The following SH2D4B variants were observed in gnomAD, a reference collection of about 807,000 sequenced individuals.
SH2D4B encodes the protein SH2 domain-containing protein 4B.
A neutral mutation model predicts 61.5 loss-of-function variants in SH2D4B; 45 were observed. The ratio of observed to expected loss-of-function variants is 0.73; its 90% CI spans 0.58 to 0.94. SH2D4B has a LOEUF of 0.94. Among genes scored for constraint, SH2D4B ranks in the 40% least tolerant of loss-of-function variants. SH2D4B has a pLI of 0.00. For missense variants in SH2D4B, 572 were observed against 574.2 expected (o/e 1.00, Z 0.04); for synonymous variants, 224 against 220.4 (o/e 1.02, Z -0.14).
At chr10:80,584,250 G>A (rs531917406) in intron 3 of SH2D4B, among the ~76,000 whole-genome samples, 1 of 152,310 alleles carries the variant, frequency 6.6e-6, no homozygotes, top group East Asian at 1.9e-4. Flanking sequence ...AGGTTGAGAG[G>A]TGTGCCATTT....
At chr10:80,551,746 T>C (rs1841764102) in intron 1 of SH2D4B, among the ~76,000 whole-genome samples, 2 of 152,228 alleles carry the variant, frequency 1.3e-5, no homozygotes, top group South Asian at 4.1e-4. Flanking sequence ...ACAGCGGGAC[T>C]GAGTGCCTGT....
At chr10:80,625,014 T>C (rs1259184497) in intron 6 of SH2D4B, among the ~76,000 whole-genome samples, 2 of 152,246 alleles carry the variant, frequency 1.3e-5, no homozygotes, top group Non-Finnish European at 2.9e-5. Context: ...TTTTAACAGA[T>C]ATGATCCCTA....
intron 3 of SH2D4B, among the ~76,000 whole-genome samples, chr10:80,586,794 C>T (rs1473164681): frequency 6.6e-6 from 1 of 152,184 alleles, no homozygotes; most frequent in Non-Finnish European, 1.5e-5. Flanking sequence ...GCTGCTCACT[C>T]TTTGGTTCCA....
chr10:80,547,367 C>T (rs1458199995), intron 1 of SH2D4B, among the ~76,000 whole-genome samples: 3 of 152,228 alleles, frequency 2.0e-5, no homozygotes, highest in Non-Finnish European at 4.4e-5. Flanking sequence ...TCCTCAACCT[C>T]CTTCTTCAGT....
intron 5 of SH2D4B, among the ~76,000 whole-genome samples, chr10:80,604,464 CATT>C (rs1842492625): frequency 6.6e-6 from 1 of 152,312 alleles, no homozygotes; most frequent in South Asian, 2.1e-4. Context: ...CTTCCCTCAT[CATT>C]GTTGAACAAC....
chr10:80,606,012 G>C lies in SH2D4B; in HGVS notation c.860+2217G>C, dbSNP rs186495203. 6.5e-3 allele frequency among the ~76,000 whole-genome samples: 989 copies of C among 152,244 alleles called. 6 individuals carry two copies. The highest frequency in any genetic ancestry group is 0.011 in the Non-Finnish European group (743 of 68,008). On this transcript the variant is annotated intron_variant, in intron 5 of 7. Transcript: ENST00000646907. Reference sequence around the variant, plus strand: ...GCCTCATCCAGAGTGAGCCTCAAAGGGGACAAGCAGCTGTGCATACAGGGC... The same window carrying C: ...GCCTCATCCAGAGTGAGCCTCAAAGCGGACAAGCAGCTGTGCATACAGGGC...
At chr10:80,585,537 ACT>A (rs1842234868) in intron 3 of SH2D4B, among the ~76,000 whole-genome samples, 1 of 151,684 alleles carries the variant, frequency 6.6e-6, no homozygotes, top group African/African-American at 2.4e-5. Flanking sequence ...CTGGTCTCAA[ACT>A]CCTGACCTCA....
In SH2D4B at chr10:80,539,672, C is replaced by T. The variant is rs772848013; in HGVS notation, c.184+1157C>T. ...GCCTGGCATGTAGGACCCACGCCTG[C>T]CCTGGCATTTGCCACCCTGTCATTG... is the stretch of plus-strand genomic sequence containing the variant. On this transcript the variant is annotated intron_variant, in intron 1 of 7. Transcript: ENST00000646907. The surrounding 1 kb of genome is among the most constrained non-coding windows in gnomAD (Gnocchi z 4.9). Among the ~76,000 whole-genome samples, 1 of 152,172 alleles carries T rather than the reference C, an allele frequency of 6.6e-6. No homozygotes were observed. Among genetic ancestry groups the T allele is most frequent in the Non-Finnish European group, 1.5e-5 (1 of 68,032 alleles).
Position 80,539,758 on chromosome 10 carries a change from T to G in SH2D4B, c.184+1243T>G, listed in dbSNP as rs1303024410. Among the ~76,000 whole-genome samples the G allele has an allele frequency of 6.6e-6, 1 of 152,114 alleles. No homozygotes were observed. The highest frequency in any genetic ancestry group is 1.5e-5 in the Non-Finnish European group (1 of 68,020). The stretch of plus-strand genomic sequence containing the variant: ...CTCAAAGGCACTGGTGTGTGAGGGC[T>G]TCCTCCACTCTATCTTCCTCCCCTG... On this transcript the variant is annotated intron_variant, in intron 1 of 7. Coordinates refer to ENST00000646907, the MANE Select transcript of SH2D4B (RefSeq NM_001388272.1). This position sits in a 1 kb window ranked among gnomAD's most constrained non-coding sequence, Gnocchi z 4.9.
chr10:80,587,916 C>A (rs529787586), intron 3 of SH2D4B, among the ~76,000 whole-genome samples: 1 of 152,142 alleles, frequency 6.6e-6, no homozygotes, highest in Admixed American at 6.5e-5. Flanking sequence ...CTGCAGAGGA[C>A]GTGACTTCAT....
chr10:80,603,658 C>A lies in SH2D4B; in HGVS notation c.723C>A (p.Leu241=). 2 of 1,607,416 alleles carry A rather than the reference C, an allele frequency of 1.2e-6. No individual in the cohort carries two copies. The highest frequency in any genetic ancestry group is 1.1e-5 in the South Asian group (1 of 89,624). Residue 241 remains leucine, a synonymous_variant, in exon 5 of 8, where the codon CTC becomes CTA. Transcript: ENST00000646907. Reference sequence around the variant, plus strand: ...GGGACGAGTACCGACACCACTCGCTCCGTGCTATCCAGAAGGGCACGGTCG... The same window carrying A: ...GGGACGAGTACCGACACCACTCGCTACGTGCTATCCAGAAGGGCACGGTCG... The part of the protein sequence containing the change: ...RARDEYRHHS[L]RAIQKGTVAG...
intron 6 of SH2D4B, among the ~76,000 whole-genome samples, chr10:80,616,092 T>G (rs752045467): frequency 1.3e-5 from 2 of 151,848 alleles, no homozygotes; most frequent in African/African-American, 2.4e-5. Context: ...AAGATGACAC[T>G]GATTTAGCCT....
chr10:80,636,338 G>A (rs566781355), intron 7 of SH2D4B, among the ~76,000 whole-genome samples: 1 of 152,262 alleles, frequency 6.6e-6, no homozygotes, highest in African/African-American at 2.4e-5. Context: ...GGGTCAAATG[G>A]TATTTCTAGT....
chr10:80,643,920 A>T, intron 7 of SH2D4B, 73 bp from the exon 8 acceptor site: 6 of 1,131,770 alleles, frequency 5.3e-6, no homozygotes, highest in South Asian at 1.4e-5. Context: ...GTCTTGAACC[A>T]CTCTCTCTCT....
chr10:80,589,171 T>C (rs1842296747), intron 4 of SH2D4B, among the ~76,000 whole-genome samples: 2 of 151,716 alleles, frequency 1.3e-5, no homozygotes, highest in African/African-American at 4.8e-5. Flanking sequence ...GCCCAGCTAA[T>C]TTTCGTATTT....
chr10:80,621,644 G>A (rs1842718135), intron 6 of SH2D4B, among the ~76,000 whole-genome samples: 1 of 152,152 alleles, frequency 6.6e-6, no homozygotes, highest in African/African-American at 2.4e-5. Flanking sequence ...CACAGCCTTG[G>A]GAGGATGCCA....
rs532160838 is a variant in SH2D4B at position 80,577,493 on chromosome 10, C to T, written c.495+5915C>T. Reference sequence around the variant, plus strand: ...CCAGGCTGGAGTGCAGTGGCGCAATCTCAGCTCACTGCAAGCTCCACCTCC... The same window carrying T: ...CCAGGCTGGAGTGCAGTGGCGCAATTTCAGCTCACTGCAAGCTCCACCTCC... On this transcript the variant is annotated intron_variant, in intron 3 of 7. Transcript: ENST00000646907. 1.8e-3 allele frequency among the ~76,000 whole-genome samples: 268 copies of T among 150,928 alleles called. 2 individuals carry two copies. Among genetic ancestry groups the T allele is most frequent in the Non-Finnish European group, 2.5e-3 (171 of 67,848 alleles).
chr10:80,612,182 CTTTTTT>C (rs796771295), intron 6 of SH2D4B, among the ~76,000 whole-genome samples: 1 of 62,994 alleles, frequency 1.6e-5, no homozygotes, highest in Admixed American at 1.9e-4. Context: ...CCCACTCCTG[CTTTTTT>C]TTTTTTTTTT....
At chr10:80,633,310 C>A (rs968926296) in intron 6 of SH2D4B, among the ~76,000 whole-genome samples, 1 of 152,172 alleles carries the variant, frequency 6.6e-6, no homozygotes, top group African/African-American at 2.4e-5. Context: ...ATAACAGATG[C>A]TAACAGGATC....
Sources: allele counts gnomAD v4.1 joint callset (sites outside exome capture counted in the v4.1 genomes callset), GRCh38; gene constraint gnomAD v4.1.1; non-coding constraint Gnocchi (gnomAD v3.1); transcripts MANE v1.5; gene names NCBI Gene and HGNC (gene_info 2026-07-23, HGNC 2026-07-21).